The following MEIS1 variants were observed in gnomAD, a reference collection of about 807,000 sequenced individuals.
MEIS1 encodes the protein Meis homeobox 1.
A neutral mutation model predicts 50.8 loss-of-function variants in MEIS1; 5 were observed. The ratio of observed to expected loss-of-function variants is 0.10; its 90% confidence interval spans 0.05 to 0.21. MEIS1 has a LOEUF of 0.21. Ranked by LOEUF, MEIS1 falls within the 10% of genes least tolerant of loss-of-function variation. The pLI, the probability that MEIS1 is intolerant of heterozygous loss-of-function variation, is 1.00. For missense variants in MEIS1, 318 were observed against 517.3 expected (o/e 0.61, Z 3.74); for synonymous variants, 176 against 179.3 (o/e 0.98, Z 0.15).
intron 6 of MEIS1, among the ~76,000 whole-genome samples, chr2:66,447,177 G>A (rs1019919945): frequency 6.6e-6 from 1 of 152,182 alleles, no homozygotes; most frequent in Non-Finnish European, 1.5e-5. Flanking sequence ...TACTAGAAAT[G>A]TCCGCAATTC....
At chr2:66,503,511 C>T (rs1251502257) in intron 7 of MEIS1, among the ~76,000 whole-genome samples, 1 of 152,074 alleles carries the variant, frequency 6.6e-6, no homozygotes, top group Admixed American at 6.6e-5. Context: ...GTACTTTTTT[C>T]CAATTAAGAG....
chr2:66,567,584 CGCT>C, intron 10 of MEIS1, 73 bp downstream of exon 10: 2 of 1,399,496 alleles, frequency 1.4e-6, no homozygotes, highest in Non-Finnish European at 2.0e-6. Context: ...CCGGGAGGTC[CGCT>C]ACCTGGTAAA....
At chr2:66,460,341 A>G (rs1185510599) in intron 6 of MEIS1, among the ~76,000 whole-genome samples, 1 of 152,144 alleles carries the variant, frequency 6.6e-6, no homozygotes, top group Non-Finnish European at 1.5e-5. Flanking sequence ...TGCCAGTAAG[A>G]TTGCCTTAGA....
chr2:66,557,498 T>G (rs1276929523), intron 9 of MEIS1, among the ~76,000 whole-genome samples: 2 of 152,200 alleles, frequency 1.3e-5, no homozygotes, highest in East Asian at 3.9e-4. Flanking sequence ...TATATTTGCC[T>G]ATTCTAGACA....
At chr2:66,500,510 C>T (rs374943155) in intron 7 of MEIS1, among the ~76,000 whole-genome samples, 68 of 152,168 alleles carry the variant, frequency 4.5e-4, no homozygotes, top group South Asian at 1.9e-3. Flanking sequence ...CTGCAAGCTC[C>T]GCCTCTCAGG....
intron 6 of MEIS1, among the ~76,000 whole-genome samples, chr2:66,463,126 G>T (rs1376498133): frequency 6.6e-6 from 1 of 151,760 alleles, no homozygotes; most frequent in Non-Finnish European, 1.5e-5. Context: ...TATTGGAAGG[G>T]TCAGCAAACT....
intron 8 of MEIS1, among the ~76,000 whole-genome samples, chr2:66,538,323 A>T (rs560680425): frequency 3.9e-5 from 6 of 152,334 alleles, no homozygotes; most frequent in Admixed American, 3.9e-4. Context: ...TGGTAAGAGT[A>T]CTTATCTTAG....
intron 9 of MEIS1, among the ~76,000 whole-genome samples, chr2:66,557,438 C>T (rs1427277311): frequency 2.0e-5 from 3 of 152,118 alleles, no homozygotes; most frequent in Non-Finnish European, 4.4e-5. Context: ...TTTATACTTC[C>T]GTCTCTCTCT....
intron 6 of MEIS1, 72 bp downstream of exon 6, chr2:66,443,120 AC>A: frequency 6.8e-7 from 1 of 1,462,482 alleles, no homozygotes; most frequent in Non-Finnish European, 9.1e-7. Context: ...CTGGGTCACT[AC>A]CACCTCCTTT....
intron 8 of MEIS1, among the ~76,000 whole-genome samples, chr2:66,528,392 T>A (rs1021972752): frequency 1.3e-5 from 2 of 151,940 alleles, no homozygotes; most frequent in Non-Finnish European, 2.9e-5. Flanking sequence ...GAAGGTACAG[T>A]GGTAAGAAAG....
chr2:66,538,314 G>A (rs539919557), intron 8 of MEIS1, among the ~76,000 whole-genome samples: 35 of 152,246 alleles, frequency 2.3e-4, no homozygotes, highest in African/African-American at 7.9e-4. Flanking sequence ...GTAAAATAAT[G>A]GTAAGAGTAC....
intron 7 of MEIS1, among the ~76,000 whole-genome samples, chr2:66,469,315 C>G (rs1278910314): frequency 1.3e-5 from 2 of 152,160 alleles, no homozygotes; most frequent in Non-Finnish European, 2.9e-5. Context: ...CATCCCCCTC[C>G]ACACCAGCTT....
chr2:66,474,938 C>A (rs6755135), intron 7 of MEIS1, among the ~76,000 whole-genome samples: 46,892 of 151,738 alleles, frequency 0.31, 10,510 homozygotes, highest in African/African-American at 0.63. Flanking sequence ...AAGAGAACTA[C>A]AGAGTGAATG....
chr2:66,515,341 G>T (rs1270674452), intron 8 of MEIS1, among the ~76,000 whole-genome samples: 1 of 152,060 alleles, frequency 6.6e-6, no homozygotes, highest in Non-Finnish European at 1.5e-5. Context: ...GAAAAAATCT[G>T]CCCTTGAAAA....
Position 66,441,409 on chromosome 2 carries a change from TG to T in MEIS1, c.433-4del. On this transcript the variant is annotated splice_polypyrimidine_tract_variant and splice_region_variant and intron_variant, in intron 4 of 12. Coordinates refer to ENST00000272369, the MANE Select transcript of MEIS1 (RefSeq NM_002398.3). ...GGGGTGCTTATTGTTTTTGTATCTTTGCAGATGATTCAAGCCATACAAGTAT... is the reference window on the plus strand; with the variant it reads ...GGGGTGCTTATTGTTTTTGTATCTTTCAGATGATTCAAGCCATACAAGTAT... The T allele has an allele frequency of 6.5e-7, 1 of 1,542,836 alleles. No homozygotes were observed. Among genetic ancestry groups the T allele is most frequent in the Non-Finnish European group, 8.7e-7 (1 of 1,146,530 alleles).
chr2:66,475,985 G>C (rs1672884186), intron 7 of MEIS1, among the ~76,000 whole-genome samples: 1 of 152,062 alleles, frequency 6.6e-6, no homozygotes, highest in Non-Finnish European at 1.5e-5. Context: ...TCTCTTGTCT[G>C]TCTCCTTCTT....
At chr2:66,533,309 C>T (rs547807345) in intron 8 of MEIS1, among the ~76,000 whole-genome samples, 2 of 151,792 alleles carry the variant, frequency 1.3e-5, no homozygotes, top group South Asian at 2.1e-4. Context: ...TGAAGGATCC[C>T]GATTATTATT....
intron 9 of MEIS1, among the ~76,000 whole-genome samples, chr2:66,559,500 A>G (rs559397701): frequency 6.6e-6 from 1 of 152,348 alleles, no homozygotes; most frequent in South Asian, 2.1e-4. Flanking sequence ...GTTTTGTTAG[A>G]TTCAATTTTA....
At chr2:66,459,597 G>A (rs1469199682) in intron 6 of MEIS1, among the ~76,000 whole-genome samples, 1 of 152,182 alleles carries the variant, frequency 6.6e-6, no homozygotes, top group East Asian at 1.9e-4. Flanking sequence ...AACAAGAACA[G>A]CAGTCATGAA....
Sources: allele counts gnomAD v4.1 joint callset (sites outside exome capture counted in the v4.1 genomes callset), GRCh38; gene constraint gnomAD v4.1.1; transcripts MANE v1.5; gene names NCBI Gene and HGNC (gene_info 2026-07-23, HGNC 2026-07-21).